The following CDK6 variants were observed in gnomAD, a reference collection of about 807,000 sequenced individuals.
CDK6 encodes cyclin dependent kinase 6, also known as cyclin-dependent kinase 6.
In CDK6, 6 loss-of-function variants were observed where a neutral mutation model predicts 37.1. The observed-to-expected ratio is 0.16, with a 90% confidence interval of 0.09 to 0.32. The LOEUF (loss-of-function observed/expected upper bound fraction) is 0.32, where lower values mean the gene tolerates loss of function less well. Ranked by LOEUF, CDK6 falls within the 10% of genes least tolerant of loss-of-function variation. The probability of loss-of-function intolerance (pLI) is 1.00; values close to 1 mark genes in which losing one functional copy is unlikely to be tolerated. For synonymous variants in CDK6, 160 were observed against 161.3 expected, an observed-to-expected ratio of 0.99 and a Z score of 0.06; for missense variants, 224 against 418.9, an observed-to-expected ratio of 0.53 and a Z score of 4.06.
chr7:92,624,449 G>A (rs997082132), intron 5 of CDK6, among the ~76,000 whole-genome samples: 14 of 152,138 alleles, frequency 9.2e-5, no homozygotes, highest in African/African-American at 3.4e-4. Flanking sequence ...CCATGAGAAG[G>A]TAAGCCTAAA....
chr7:92,703,718 G>C (rs1562940897), intron 4 of CDK6, among the ~76,000 whole-genome samples: 1 of 152,152 alleles, frequency 6.6e-6, no homozygotes, highest in Non-Finnish European at 1.5e-5. Context: ...CTCTTTGTAA[G>C]CTCTGCAAGT....
intron 2 of CDK6, among the ~76,000 whole-genome samples, chr7:92,801,963 C>T (rs963586308): frequency 2.5e-4 from 37 of 146,458 alleles, no homozygotes; most frequent in African/African-American, 7.6e-4. Context: ...CCCTCCCCCC[C>T]GTTCTCTCCC....
chr7:92,652,738 G>A (rs1796604260), intron 5 of CDK6, among the ~76,000 whole-genome samples: 1 of 152,174 alleles, frequency 6.6e-6, no homozygotes, highest in Non-Finnish European at 1.5e-5. Context: ...AGTTCTCAGA[G>A]CTTCTGTGAA....
chr7:92,630,458 G>A (rs1796026541), intron 5 of CDK6, among the ~76,000 whole-genome samples: 1 of 152,094 alleles, frequency 6.6e-6, no homozygotes, highest in Admixed American at 6.6e-5. Flanking sequence ...CTCTAACCAT[G>A]AAGTTAGGCG....
chr7:92,720,695 G>A (rs1271563229), intron 4 of CDK6, among the ~76,000 whole-genome samples: 5 of 152,186 alleles, frequency 3.3e-5, no homozygotes, highest in African/African-American at 7.2e-5. Context: ...TGTCAGACCC[G>A]GGTGCACAGT....
chr7:92,831,110 A>G lies in CDK6; in HGVS notation c.233+1981T>C, dbSNP rs568627670. Among the ~76,000 whole-genome samples the G allele has an allele frequency of 2.0e-5, 3 of 152,320 alleles. No individual in the cohort carries two copies. The South Asian group carries it at 6.2e-4, about 32-fold the overall frequency. On this transcript the variant is annotated intron_variant, in intron 2 of 7. Transcript: ENST00000424848. ...ACACGTAAAAATAATTTTAGAAAACAATGCCTTTGTCTTCAGTTCATAAGA... is the reference window on the plus strand; with the variant it reads ...ACACGTAAAAATAATTTTAGAAAACGATGCCTTTGTCTTCAGTTCATAAGA...
At chr7:92,760,801 C>T (rs1799436185) in intron 3 of CDK6, among the ~76,000 whole-genome samples, 1 of 152,104 alleles carries the variant, frequency 6.6e-6, no homozygotes, top group Middle Eastern at 3.4e-3. Flanking sequence ...TTTCTTTAGG[C>T]AATTATTCTT....
At chr7:92,785,195 T>C (rs907096575) in intron 2 of CDK6, among the ~76,000 whole-genome samples, 2 of 152,192 alleles carry the variant, frequency 1.3e-5, no homozygotes, top group Non-Finnish European at 2.9e-5. Context: ...TGGAATACTA[T>C]TTAGTAATAG....
At chr7:92,789,178 A>T (rs1037428776) in intron 2 of CDK6, among the ~76,000 whole-genome samples, 4 of 152,190 alleles carry the variant, frequency 2.6e-5, no homozygotes, top group Non-Finnish European at 4.4e-5. Flanking sequence ...TTAACCAAGA[A>T]TTCTATATCT....
intron 4 of CDK6, among the ~76,000 whole-genome samples, chr7:92,685,425 T>C (rs1185262555): frequency 6.6e-6 from 1 of 152,202 alleles, no homozygotes; most frequent in Non-Finnish European, 1.5e-5. Context: ...CCCTCTGAGT[T>C]TGAGTAAAAC....
At chr7:92,751,302 G>T (rs186934090) in intron 3 of CDK6, among the ~76,000 whole-genome samples, 58 of 152,164 alleles carry the variant, frequency 3.8e-4, no homozygotes, top group Admixed American at 1.5e-3. Flanking sequence ...GATTATTGCT[G>T]ATATTTTAAG....
At position 92,787,258 on chromosome 7, in the gene CDK6, T is replaced by C. The variant is rs887833215; in HGVS notation, c.234-12427A>G. ...TGATAAGATTTTGGAATGGTTGTTT[T>C]CTGCTATTTGCTCATCTAAACTTTC... On this transcript the variant is annotated intron_variant, in intron 2 of 7. Transcript: ENST00000424848. Among the ~76,000 whole-genome samples, 8 of 152,058 alleles carry C rather than the reference T, an allele frequency of 5.3e-5. No individual in the cohort carries two copies. The South Asian group carries it at 1.7e-3, about 32-fold the overall frequency.
intron 3 of CDK6, among the ~76,000 whole-genome samples, chr7:92,729,345 A>C (rs905902210): frequency 2.6e-5 from 4 of 152,362 alleles, no homozygotes; most frequent in Admixed American, 6.5e-5. Context: ...CCACCAATTA[A>C]GGCTCTTTCA....
At chr7:92,816,632 T>C (rs1464461925) in intron 2 of CDK6, among the ~76,000 whole-genome samples, 1 of 152,112 alleles carries the variant, frequency 6.6e-6, no homozygotes, top group Non-Finnish European at 1.5e-5. Context: ...GGAAGATGCA[T>C]ATATTTGAAG....
intron 3 of CDK6, among the ~76,000 whole-genome samples, chr7:92,763,841 G>A (rs942542199): frequency 1.3e-5 from 2 of 152,142 alleles, no homozygotes; most frequent in Non-Finnish European, 2.9e-5. Flanking sequence ...AAGCTGCAGT[G>A]TCTGGTGTCA....
intron 3 of CDK6, among the ~76,000 whole-genome samples, chr7:92,743,888 A>G (rs909046848): frequency 6.6e-6 from 1 of 152,152 alleles, no homozygotes; most frequent in Non-Finnish European, 1.5e-5. Flanking sequence ...TGGGGGAGGG[A>G]GTTATAGACT....
rs1421172586 is a variant in CDK6 at position 92,688,212 on chromosome 7, GA to G, written c.538-16678del. On this transcript the variant is annotated intron_variant, in intron 4 of 7. Coordinates refer to ENST00000424848, the MANE Select transcript of CDK6 (RefSeq NM_001145306.2). ...GTTGAACCATTTTACACTCCCACCA[GA>G]AATGTATGAGAGTTACAGTTTCTCC... 9.2e-5 allele frequency among the ~76,000 whole-genome samples: 14 copies of G among 152,262 alleles called. No homozygotes were observed. The East Asian group carries it at 2.5e-3, about 27-fold the overall frequency.
chr7:92,645,045 T>C (rs1796411661), intron 5 of CDK6, among the ~76,000 whole-genome samples: 2 of 152,160 alleles, frequency 1.3e-5, no homozygotes, highest in Non-Finnish European at 2.9e-5. Context: ...GAAAGCAAAT[T>C]GTTCACCCCC....
At chr7:92,821,505 T>G (rs1562975327) in intron 2 of CDK6, among the ~76,000 whole-genome samples, 1 of 151,924 alleles carries the variant, frequency 6.6e-6, no homozygotes, top group Non-Finnish European at 1.5e-5. Context: ...AATAGAAAAA[T>G]GTAATTATTT....
Sources: allele counts gnomAD v4.1 joint callset (sites outside exome capture counted in the v4.1 genomes callset), GRCh38; gene constraint gnomAD v4.1.1; transcripts MANE v1.5; gene names NCBI Gene and HGNC (gene_info 2026-07-23, HGNC 2026-07-21).